JAML: variants seen among roughly 807,000 people sequenced by gnomAD.
JAML encodes junctional adhesion molecule-like.
In JAML, 25 loss-of-function variants were observed where a neutral mutation model predicts 39.3. The observed-to-expected ratio is 0.64, with a 90% CI of 0.46 to 0.89. JAML has a LOEUF of 0.89. Among genes scored for constraint, JAML ranks in the 40% least tolerant of loss-of-function variants. The pLI, the probability that JAML is intolerant of heterozygous loss-of-function variation, is 0.00. For missense variants in JAML, 440 were observed against 486.9 expected (o/e 0.90, Z 0.91); for synonymous variants, 162 against 179.2 (o/e 0.90, Z 0.77).
At chr11:118,212,636 G>C in intron 2 of JAML, 75 bp from the exon 3 acceptor site, 5 of 1,563,932 alleles carry the variant, frequency 3.2e-6, no homozygotes, top group Non-Finnish European at 4.3e-6. Flanking sequence ...TCCAATCATG[G>C]AGTACTAAAC....
intron 2 of JAML, 102 bp from the exon 3 acceptor site, chr11:118,212,663 G>A (rs2134670274): frequency 4.6e-6 from 7 of 1,522,970 alleles, no homozygotes; most frequent in Non-Finnish European, 6.2e-6. Context: ...CTCCCTGGAT[G>A]ATCCAACATA....
chr11:118,197,806 T>G (rs1613643), intron 8 of JAML, 192 bp downstream of exon 8: 322,439 of 550,310 alleles, frequency 0.59, 95,766 homozygotes, highest in South Asian at 0.74. Context: ...CCTGGGGCTG[T>G]CCCAGCCGAC....
intron 1 of JAML, among the ~76,000 whole-genome samples, chr11:118,217,052 T>C (rs1038517077): frequency 5.3e-5 from 8 of 152,198 alleles, no homozygotes; most frequent in Non-Finnish European, 1.0e-4. Flanking sequence ...CAGTGGGACA[T>C]TCCCCCTGCA....
intron 1 of JAML, among the ~76,000 whole-genome samples, chr11:118,215,717 T>C (rs1949131591): frequency 6.6e-6 from 1 of 151,972 alleles, no homozygotes; most frequent in Admixed American, 6.6e-5. Flanking sequence ...AGAATGAGAG[T>C]TGGGCTGTGC....
rs1948599963 is a variant in JAML at position 118,194,044 on chromosome 11, A to G, written c.*281T>C. On this transcript the variant is annotated 3_prime_UTR_variant, in exon 10 of 10. Coordinates refer to ENST00000356289, the MANE Select transcript of JAML (RefSeq NM_001098526.2). The stretch of plus-strand genomic sequence containing the variant: ...CCCTGCCCACAGGAGGGTCTGATCC[A>G]ACGGGGGGTTTGAGGCCACTCAGCT... 2.6e-6 allele frequency: 1 copy of G among 388,082 alleles called. No homozygotes were observed. The highest frequency in any genetic ancestry group is 4.8e-5 in the East Asian group (1 of 20,788). The allele number at this position is 388,082 out of a possible 1,614,324, so 24.0% of individuals were successfully genotyped here.
At chr11:118,223,319 G>A (rs1949228973) in intron 1 of JAML, among the ~76,000 whole-genome samples, 1 of 152,082 alleles carries the variant, frequency 6.6e-6, no homozygotes, top group Non-Finnish European at 1.5e-5. Context: ...TGGTTTTCTA[G>A]AGAATTTATT....
chr11:118,212,387 T>G lies in JAML; in HGVS notation c.198+20A>C. 1 of 1,612,520 alleles carries G rather than the reference T, an allele frequency of 6.2e-7. No homozygotes were observed. The highest frequency in any genetic ancestry group is 1.3e-5 in the African/African-American group (1 of 75,024). On this transcript the variant is annotated intron_variant, in intron 3 of 9. Transcript: ENST00000356289. ...GCAGTCAGGGGCTTCTATTACATAGTGATGTTTCCCCCGCGTTACCTTGGC... is the reference window on the plus strand; with the variant it reads ...GCAGTCAGGGGCTTCTATTACATAGGGATGTTTCCCCCGCGTTACCTTGGC...
chr11:118,196,615 T>A, intron 9 of JAML, 120 bp downstream of exon 9: 1 of 787,262 alleles, frequency 1.3e-6, no homozygotes, highest in Non-Finnish European at 2.2e-6. Flanking sequence ...CTCAGACTTT[T>A]CTGCTACTTA....
chr11:118,197,903 C>T, intron 8 of JAML, 95 bp downstream of exon 8: 1 of 1,155,032 alleles, frequency 8.7e-7, no homozygotes, highest in Non-Finnish European at 1.3e-6. Context: ...GGCCTGCAAG[C>T]TGCGACATAC....
At chr11:118,216,654 G>T (rs1793183) in intron 1 of JAML, among the ~76,000 whole-genome samples, 13,794 of 152,208 alleles carry the variant, frequency 0.091, 2,094 homozygotes, top group African/African-American at 0.31. Flanking sequence ...AACAGAGTTT[G>T]TAGCTTTAGG....
rs556591907 is a variant in JAML, at chr11:118,210,759, C to T, written c.199-47G>A. ...GAGACAATCAAAAGAGGTGCCAGAC[C>T]GAGGAGCCTGGATCCCAAAGACTCT... On this transcript the variant is annotated intron_variant, in intron 3 of 9. Coordinates refer to ENST00000356289, the MANE Select transcript of JAML (RefSeq NM_001098526.2). 7.0e-5 allele frequency: 106 copies of T among 1,511,224 alleles called. 2 individuals are homozygous for T. In the South Asian group the frequency reaches 8.0e-4, roughly 11 times the overall value. The allele number at this position is 1,511,224 out of a possible 1,614,324, so 93.6% of individuals were successfully genotyped here.
At chr11:118,216,244 G>T (rs1425545846) in intron 1 of JAML, among the ~76,000 whole-genome samples, 1 of 151,948 alleles carries the variant, frequency 6.6e-6, no homozygotes, top group Non-Finnish European at 1.5e-5. Flanking sequence ...GGTGGCGGCC[G>T]CCTGTAATCC....
At chr11:118,212,780 C>T in intron 2 of JAML, 2 of 1,594,094 alleles carry the variant, frequency 1.3e-6, no homozygotes, top group Non-Finnish European at 1.7e-6. Context: ...ACAATAAATG[C>T]TATCTGGCTC....
At chr11:118,211,468 A>G (rs1949058232) in intron 3 of JAML, among the ~76,000 whole-genome samples, 1 of 152,060 alleles carries the variant, frequency 6.6e-6, no homozygotes, top group African/African-American at 2.4e-5. Context: ...TGCTGGTCTC[A>G]AACTCTTGAG....
intron 1 of JAML, among the ~76,000 whole-genome samples, chr11:118,215,563 G>A (rs1380128883): frequency 2.0e-5 from 3 of 151,890 alleles, no homozygotes; most frequent in Non-Finnish European, 2.9e-5. Context: ...GCCCAAGCTG[G>A]TCTCAAACTC....
intron 2 of JAML, chr11:118,213,415 G>A (rs1949098866): frequency 1.2e-6 from 1 of 868,592 alleles, no homozygotes; most frequent in Non-Finnish European, 1.4e-6. Context: ...CCTGAGAGAA[G>A]ACAGTTAACT....
chr11:118,196,960 C>G, intron 8 of JAML, 139 bp from the exon 9 acceptor site: 1 of 643,490 alleles, frequency 1.6e-6, no homozygotes, highest in Non-Finnish European at 2.8e-6. Context: ...CTAGAGAATT[C>G]TCAACAATGA....
chr11:118,213,121 C>CCTG, intron 2 of JAML: 2 of 1,436,584 alleles, frequency 1.4e-6, no homozygotes, highest in Middle Eastern at 1.9e-4. Context: ...TGTGTTTATC[C>CCTG]TCTCCCTGCC....
intron 1 of JAML, among the ~76,000 whole-genome samples, chr11:118,217,739 T>C (rs1446292998): frequency 6.6e-6 from 1 of 152,208 alleles, no homozygotes; most frequent in East Asian, 1.9e-4. Context: ...CATGAGGTTT[T>C]ACAGATGAGG....
Sources: gnomAD v4.1 joint callset for allele counts (sites outside exome capture counted in the v4.1 genomes callset) on GRCh38, gnomAD v4.1.1 for gene constraint, MANE v1.5 for transcripts, NCBI Gene and HGNC (gene_info 2026-07-23, HGNC 2026-07-21) for gene names.